FBXO43: variants seen among roughly 807,000 people sequenced by gnomAD.
The protein encoded by FBXO43 is F-box protein 43, also known as F-box only protein 43.
FBXO43 carries 22 observed loss-of-function variants against 56.7 expected under a neutral mutation model. The ratio of observed to expected loss-of-function variants is 0.39; its 90% CI spans 0.28 to 0.55. The LOEUF (loss-of-function observed/expected upper bound fraction) is 0.55. Among genes scored for constraint, FBXO43 ranks in the 20% least tolerant of loss-of-function variants. FBXO43 has a pLI of 0.66. For missense variants in FBXO43, 733 were observed against 814.9 expected (o/e 0.90, Z 1.22); for synonymous variants, 306 against 294.5 (o/e 1.04, Z -0.40).
Position 100,142,014 on chromosome 8 carries a change from C to T in FBXO43, c.240G>A (p.Glu80=), listed in dbSNP as rs1477528640. The change falls in exon 2 of 5, where the codon GAG becomes GAA. Residue 80 remains glutamate (E), a synonymous_variant. Coordinates refer to ENST00000428847, the MANE Select transcript of FBXO43 (RefSeq NM_001029860.4). Reference sequence around the variant, plus strand: ...TATTATCAAAGCTACAAGATTTTAACTCATTGTAGCCACTATCTTGAAATG... The same window carrying T: ...TATTATCAAAGCTACAAGATTTTAATTCATTGTAGCCACTATCTTGAAATG... ...TSSFQDSGYN[E]LKSCSFDNID... The T allele has an allele frequency of 6.2e-7, 1 of 1,613,544 alleles. No individual in the cohort carries two copies.
In FBXO43 at chr8:100,140,952, T is replaced by C. The variant is rs947225821; in HGVS notation, c.1302A>G (p.Leu434=). 6.2e-7 allele frequency: 1 copy of C among 1,614,234 alleles called. No homozygotes were observed. Among genetic ancestry groups the C allele is most frequent in the Non-Finnish European group, 8.5e-7 (1 of 1,180,046 alleles). ...AGGCTGGGGTCTTTGATAAATTCTT[T>C]AAGCTAAAGGTCAAATCCCCACTCT... ...SDESGDLTFS[L]KNLSKTPALQ... Residue 434 remains leucine (L), a synonymous_variant, in exon 2 of 5, where the codon TTA becomes TTG. Transcript: ENST00000428847.
intron 1 of FBXO43, among the ~76,000 whole-genome samples, chr8:100,144,299 T>C (rs1814750200): frequency 2.0e-5 from 3 of 148,334 alleles, no homozygotes; most frequent in Admixed American, 2.0e-4. Flanking sequence ...AATGCTTGAG[T>C]CCAGGAGTTT....
rs1358471868 is a variant in FBXO43, at chr8:100,137,637, T to G, written c.1602A>C (p.Glu534Asp). 1 of 1,613,154 alleles carries G rather than the reference T, an allele frequency of 6.2e-7. No individual in the cohort carries two copies. The highest frequency in any genetic ancestry group is 1.7e-5 in the Admixed American group (1 of 59,732). Residue 534 changes from glutamate (E) to aspartate (D), a missense_variant, in exon 3 of 5, where the codon GAA becomes GAC. By Grantham distance (45) the Glu-to-Asp change is conservative (BLOSUM62 2). Transcript: ENST00000428847. ...TTGCATTTTTATCTTGAACAACAAT[T>G]TCACGCCAATTTCTGCTTACTTTCC... ...SVWKVSRNWR[E>D]IVVQDKNANR... is the part of the protein sequence containing the mutation.
rs1169389835 is a variant in FBXO43, at chr8:100,141,439, C to T, written c.815G>A (p.Cys272Tyr). Residue 272 changes from cysteine to tyrosine, a missense_variant, in exon 2 of 5, where the codon TGC (cysteine) becomes TAC (tyrosine). Cys to Tyr is a radical substitution (Grantham distance 194). Transcript: ENST00000428847. Reference protein sequence around the residue: ...ITHDFSDSSLCINDENACPEL... With the variant: ...ITHDFSDSSLYINDENACPEL... ...TGGACATGCATTCTCATCATTAATG[C>T]ATAAACTGCTATCACTAAAGTCATG... 4 of 1,613,260 alleles carry T rather than the reference C, an allele frequency of 2.5e-6. No homozygotes were observed. In the Admixed American group the frequency reaches 5.0e-5, roughly 20 times the overall value.
chr8:100,147,282 G>C (rs1051447472), upstream of FBXO43, among the ~76,000 whole-genome samples: 3 of 152,222 alleles, frequency 2.0e-5, no homozygotes, highest in Non-Finnish European at 4.4e-5. Flanking sequence ...AGGAACAGTA[G>C]CAGCACAAAG....
chr8:100,134,111 A>G (rs1301585644), intron 4 of FBXO43, 50 bp downstream of exon 4: 1 of 1,602,568 alleles, frequency 6.2e-7, no homozygotes, highest in African/African-American at 1.3e-5. Context: ...CTTTATTTCA[A>G]ACTCTGTAAA....
chr8:100,138,453 A>G (rs549888686), intron 2 of FBXO43, among the ~76,000 whole-genome samples: 2 of 152,294 alleles, frequency 1.3e-5, no homozygotes, highest in Non-Finnish European at 2.9e-5. Context: ...TATGTGCCCT[A>G]TATCAGAGGG....
Position 100,145,051 on chromosome 8 carries a change from C to A in FBXO43, c.85G>T (p.Glu29Ter). The change falls in exon 1 of 5, where the codon GAA becomes TAA. Residue 29 changes from glutamate (E) to a stop codon, truncating the protein, a stop_gained and splice_region_variant. Coordinates refer to ENST00000428847, the MANE Select transcript of FBXO43 (RefSeq NM_001029860.4). LOFTEE classifies it high-confidence loss of function. The stretch of plus-strand genomic sequence containing the variant: ...CATTTGTTAAAGTGGAAACTCTTAC[C>A]ATCAGTAAATCTTGAGCTCTTAGAT... ...LTSKSSRFTDETEILKMSQRH... is the reference protein window; with the variant it reads ...LTSKSSRFTD The A allele has an allele frequency of 6.2e-7, 1 of 1,609,884 alleles. No homozygotes were observed. Among genetic ancestry groups the A allele is most frequent in the South Asian group, 1.1e-5 (1 of 90,508 alleles).
Position 100,137,456 on chromosome 8 carries a change from T to C in FBXO43, c.1674+109A>G. On this transcript the variant is annotated intron_variant, in intron 3 of 4. Coordinates refer to ENST00000428847, the MANE Select transcript of FBXO43 (RefSeq NM_001029860.4). Reference sequence around the variant, plus strand: ...AAGGAATTTATGAGTGAATGTTTGTTAAATGGAAAAGGTTAAAGATAGCAG... The same window carrying C: ...AAGGAATTTATGAGTGAATGTTTGTCAAATGGAAAAGGTTAAAGATAGCAG... 4.4e-6 allele frequency: 3 copies of C among 683,962 alleles called. 1 individual carries two copies. The highest frequency in any genetic ancestry group is 4.1e-5 in the South Asian group (2 of 49,086). 42.4% of individuals were successfully genotyped at this position (683,962 alleles called of 1,614,324 possible). A position where few individuals can be genotyped will look rare whatever the true frequency, so the allele number is the denominator to read the frequency against.
At chr8:100,143,595 G>T (rs2132142152) in intron 1 of FBXO43, among the ~76,000 whole-genome samples, 1 of 152,086 alleles carries the variant, frequency 6.6e-6, no homozygotes, top group Non-Finnish European at 1.5e-5. Flanking sequence ...TTATCAAATT[G>T]CTTTTTATAA....
chr8:100,145,019 T>C, intron 1 of FBXO43, 32 bp downstream of exon 1: 1 of 1,593,950 alleles, frequency 6.3e-7, no homozygotes, highest in Non-Finnish European at 8.5e-7. Context: ...TAAACCCAAA[T>C]GTTCTTCATT....
Position 100,138,253 on chromosome 8 carries a change from ATAT to A in FBXO43, c.1572-589_1572-587del, listed in dbSNP as rs752091457. Among the ~76,000 whole-genome samples the A allele has an allele frequency of 1.1e-4, 16 of 152,342 alleles. No homozygotes were observed. The East Asian group carries it at 1.3e-3, about 13-fold the overall frequency. ...TGCTGATTTATCAATAACTTTGATAATATTATTATTAAAAAGTAAGACTTTGAC... is the reference window on the plus strand; with the variant it reads ...TGCTGATTTATCAATAACTTTGATAATATTATTAAAAAGTAAGACTTTGAC... On this transcript the variant is annotated intron_variant, in intron 2 of 4. Coordinates refer to ENST00000428847, the MANE Select transcript of FBXO43 (RefSeq NM_001029860.4).
chr8:100,147,037 G>A (rs1220900311), upstream of FBXO43, among the ~76,000 whole-genome samples: 1 of 152,140 alleles, frequency 6.6e-6, no homozygotes, highest in African/African-American at 2.4e-5. Flanking sequence ...CAGTAGAGAC[G>A]GAGTTTTGCC....
chr8:100,150,046 C>A (rs1484762393), upstream of FBXO43, among the ~76,000 whole-genome samples: 3 of 152,130 alleles, frequency 2.0e-5, no homozygotes, highest in Non-Finnish European at 4.4e-5. Flanking sequence ...CTACCAAAAT[C>A]TCTTAGATTT....
At chr8:100,146,902 C>A (rs547794838), upstream of FBXO43, among the ~76,000 whole-genome samples, 1 of 152,184 alleles carries the variant, frequency 6.6e-6, no homozygotes, top group Non-Finnish European at 1.5e-5. Context: ...CGCTGGAGTG[C>A]CGTGGTGCAA....
In FBXO43 at chr8:100,144,943, G is replaced by GAAAGAAA. The variant is rs987999912; in HGVS notation, c.85+101_85+107dup. On this transcript the variant is annotated intron_variant, in intron 1 of 4. Transcript: ENST00000428847. Reference sequence around the variant, plus strand: ...CGACTCCGTCTCAAAAAAAAAAAAAGAAAGAAAAAAGAAAAAGAAAAAAAA... The same window carrying GAAAGAAA: ...CGACTCCGTCTCAAAAAAAAAAAAAGAAAGAAAAAAGAAAAAAGAAAAAGAAAAAAAA... 9 of 1,242,294 alleles carry GAAAGAAA rather than the reference G, an allele frequency of 7.2e-6. No homozygotes were observed. In the African/African-American group the frequency reaches 1.5e-4, roughly 21 times the overall value. 77.0% of individuals were successfully genotyped at this position (1,242,294 alleles called of 1,614,324 possible). A position where few individuals can be genotyped will look rare whatever the true frequency, so the allele number is the denominator to read the frequency against.
chr8:100,147,779 A>G (rs1814859540), upstream of FBXO43, among the ~76,000 whole-genome samples: 1 of 152,200 alleles, frequency 6.6e-6, no homozygotes, highest in Non-Finnish European at 1.5e-5. Context: ...AATGAAGAGT[A>G]TAGGCTTGGG....
At chr8:100,138,272 A>G (rs1487212426) in intron 2 of FBXO43, among the ~76,000 whole-genome samples, 1 of 152,244 alleles carries the variant, frequency 6.6e-6, no homozygotes, top group Non-Finnish European at 1.5e-5. Flanking sequence ...TTAAAAAGTA[A>G]GACTTTGACT....
chr8:100,140,670 TCTTA>T lies in FBXO43; in HGVS notation c.1571+9_1571+12del. ...AAAGAAGTTTTATTTCATAAACAAC[TCTTA>T]CTTCTTACCTGCATAGGCTCTCTGC... On this transcript the variant is annotated intron_variant, in intron 2 of 4. Transcript: ENST00000428847. 1 of 1,543,712 alleles carries T rather than the reference TCTTA, an allele frequency of 6.5e-7. No individual in the cohort carries two copies. Among genetic ancestry groups the T allele is most frequent in the Non-Finnish European group, 8.7e-7 (1 of 1,151,090 alleles).
Sources: gnomAD v4.1 joint callset for allele counts (sites outside exome capture counted in the v4.1 genomes callset) on GRCh38, gnomAD v4.1.1 for gene constraint, MANE v1.5 for transcripts, NCBI Gene and HGNC (gene_info 2026-07-23, HGNC 2026-07-21) for gene names.